AGTPBP1: variants seen among roughly 807,000 people sequenced by gnomAD.
AGTPBP1 encodes cytosolic carboxypeptidase 1.
Under a neutral mutation model 143.9 loss-of-function variants are expected in AGTPBP1, and 70 were observed. The observed-to-expected ratio is 0.49, with a 90% CI of 0.40 to 0.59. AGTPBP1 has a LOEUF of 0.59. Among genes scored for constraint, AGTPBP1 ranks in the 20% least tolerant of loss-of-function variants. AGTPBP1 has a pLI of 0.00. For missense variants in AGTPBP1, 1,229 were observed against 1,464.5 expected (o/e 0.84, Z 2.62); for synonymous variants, 463 against 500.2 (o/e 0.93, Z 0.99).
rs750341010 is a variant in AGTPBP1, at chr9:85,588,456, C to T, written c.2745G>A (p.Leu915=). 1 of 1,610,984 alleles carries T rather than the reference C, an allele frequency of 6.2e-7. No homozygotes were observed. The highest frequency in any genetic ancestry group is 8.5e-7 in the Non-Finnish European group (1 of 1,178,844). The change falls in exon 21 of 26, where the codon TTG becomes TTA. Residue 915 remains leucine (L), a synonymous_variant. Transcript: ENST00000357081. The part of the protein sequence containing the change: ...CHFRNRPYVF[L]SARVHPGETN... ...TTTCTCCAGGATGTACCCGAGCAGA[C>T]AAGAAAACGTAAGGGCGATTTCCTA...
intron 1 of AGTPBP1, among the ~76,000 whole-genome samples, chr9:85,734,656 A>G (rs1839118449): frequency 6.6e-6 from 1 of 152,236 alleles, no homozygotes; most frequent in African/African-American, 2.4e-5. Flanking sequence ...CACTATTGAT[A>G]GGAATATAAA....
At chr9:85,562,706 A>C (rs1228477115) in intron 25 of AGTPBP1, among the ~76,000 whole-genome samples, 1 of 152,192 alleles carries the variant, frequency 6.6e-6, no homozygotes, top group Non-Finnish European at 1.5e-5. Context: ...TAAGTCTCTT[A>C]CCTTTTTCTT....
At chr9:85,712,388 TATAAC>T (rs1027724065) in intron 2 of AGTPBP1, 109 bp downstream of exon 2, 6 of 488,682 alleles carry the variant, frequency 1.2e-5, no homozygotes, top group Admixed American at 4.3e-5. Flanking sequence ...ATTACATAAA[TATAAC>T]ATATTATACT....
the AGTPBP1 span, among the ~76,000 whole-genome samples, chr9:85,795,641 G>C: frequency 1.3e-5 from 2 of 152,128 alleles, no homozygotes; most frequent in Non-Finnish European, 2.9e-5. Context: ...TAAAAATATA[G>C]AGGGTACTGT....
At chr9:85,579,337 AAC>A (rs1334965277) in intron 23 of AGTPBP1, among the ~76,000 whole-genome samples, 1 of 152,208 alleles carries the variant, frequency 6.6e-6, no homozygotes, top group African/African-American at 2.4e-5. Flanking sequence ...TTCACGGTAT[AAC>A]CAATAAGCAA....
chr9:85,599,110 A>ACACACACAC (rs1829489991), intron 17 of AGTPBP1, among the ~76,000 whole-genome samples: 1 of 135,430 alleles, frequency 7.4e-6, no homozygotes, highest in Admixed American at 7.3e-5. Context: ...CTTGTCACTG[A>ACACACACAC]ACACACACAC....
intron 2 of AGTPBP1, among the ~76,000 whole-genome samples, chr9:85,709,385 C>T (rs1837221249): frequency 6.6e-6 from 1 of 152,146 alleles, no homozygotes; most frequent in African/African-American, 2.4e-5. Flanking sequence ...TAAAAGAATG[C>T]TTTTCTCCTA....
chr9:85,634,050 G>C (rs1212554758), intron 13 of AGTPBP1, among the ~76,000 whole-genome samples: 4 of 151,650 alleles, frequency 2.6e-5, no homozygotes, highest in Non-Finnish European at 5.9e-5. Context: ...AAATTAGCTG[G>C]GCATGGTGGT....
At chr9:85,727,963 G>A (rs890953340) in intron 1 of AGTPBP1, among the ~76,000 whole-genome samples, 1 of 151,442 alleles carries the variant, frequency 6.6e-6, no homozygotes, top group African/African-American at 2.4e-5. Context: ...AGGAGTTCAA[G>A]GTTGCAGTGA....
rs568333681 is a variant in AGTPBP1 at position 85,679,224 on chromosome 9, T to C, written c.226-826A>G. On this transcript the variant is annotated intron_variant, in intron 4 of 25. Coordinates refer to ENST00000357081, the MANE Select transcript of AGTPBP1 (RefSeq NM_001330701.2). The stretch of plus-strand genomic sequence containing the variant: ...CAGAAGAGTGACTATTTCTCCAAGT[T>C]TGGACAACTAATCTAATAAGTGAAA... 2.6e-5 allele frequency among the ~76,000 whole-genome samples: 4 copies of C among 152,320 alleles called. No homozygotes were observed. The East Asian group carries it at 5.8e-4, about 22-fold the overall frequency.
intron 17 of AGTPBP1, among the ~76,000 whole-genome samples, chr9:85,598,695 C>T (rs974254604): frequency 1.4e-4 from 22 of 152,166 alleles, no homozygotes; most frequent in African/African-American, 4.3e-4. Flanking sequence ...TTGACCCTGA[C>T]GTTTTAGTCT....
chr9:85,629,526 A>C (rs1459997564), intron 14 of AGTPBP1, among the ~76,000 whole-genome samples: 3 of 152,202 alleles, frequency 2.0e-5, no homozygotes, highest in Non-Finnish European at 4.4e-5. Context: ...CAAGCAAGCC[A>C]GGCAAGGACA....
the AGTPBP1 span, among the ~76,000 whole-genome samples, chr9:85,771,985 C>CTT: frequency 3.0e-5 from 4 of 132,322 alleles, no homozygotes; most frequent in Non-Finnish European, 1.6e-5. Context: ...TTATGCTGTT[C>CTT]TTTTTTTTTT....
In AGTPBP1 at chr9:85,588,352, G is replaced by A. The variant is rs1167509714; in HGVS notation, c.2849C>T (p.Ser950Phe). ...NNPTAQSLRE[S>F]YIFKIVPMLN... is the part of the protein sequence containing the mutation. ...CATAGGGACAATTTTAAAAATATAAGATTCTCGTAAGCTCTGAGCAGTGGG... is the reference window on the plus strand; with the variant it reads ...CATAGGGACAATTTTAAAAATATAAAATTCTCGTAAGCTCTGAGCAGTGGG... The change falls in exon 21 of 26, where the codon TCT becomes TTT. Residue 950 changes from serine to phenylalanine, a missense_variant. Coordinates refer to ENST00000357081, the MANE Select transcript of AGTPBP1 (RefSeq NM_001330701.2). 1.9e-6 allele frequency: 3 copies of A among 1,610,580 alleles called. No homozygotes were observed. In the Admixed American group the frequency reaches 5.1e-5, roughly 27 times the overall value.
intron 25 of AGTPBP1, among the ~76,000 whole-genome samples, chr9:85,574,670 A>G (rs1004787711): frequency 6.6e-6 from 1 of 151,970 alleles, no homozygotes; most frequent in Non-Finnish European, 1.5e-5. Context: ...TGATGTGTGT[A>G]GACATCAACA....
rs558219191 is a variant in AGTPBP1, at chr9:85,673,668, G to C, written c.437-987C>G. On this transcript the variant is annotated intron_variant, in intron 6 of 25. Coordinates refer to ENST00000357081, the MANE Select transcript of AGTPBP1 (RefSeq NM_001330701.2). ...GGAGATACAAAAAGTGGCAGGGTGG[G>C]TGAGGGGTGAAGGTTGAAAAATTAC... 2.6e-5 allele frequency among the ~76,000 whole-genome samples: 4 copies of C among 152,224 alleles called. No individual in the cohort carries two copies. In the South Asian group the frequency reaches 8.3e-4, roughly 32 times the overall value.
intron 2 of AGTPBP1, among the ~76,000 whole-genome samples, chr9:85,706,190 G>A (rs572958120): frequency 6.6e-5 from 10 of 151,754 alleles, no homozygotes; most frequent in African/African-American, 2.4e-4. Context: ...AAGAAAAGGA[G>A]GAAGAAGAGA....
At chr9:85,697,445 G>GTTTTTTTTTTTTTTT (rs758082233) in intron 2 of AGTPBP1, among the ~76,000 whole-genome samples, 5 of 65,072 alleles carry the variant, frequency 7.7e-5, no homozygotes, top group Non-Finnish European at 8.0e-5. Context: ...TTTGTTTTTT[G>GTTTTTTTTTTTTTTT]TTTTTTTTTT....
intron 17 of AGTPBP1, among the ~76,000 whole-genome samples, chr9:85,599,273 T>C (rs975598661): frequency 1.3e-5 from 2 of 152,128 alleles, no homozygotes; most frequent in East Asian, 3.9e-4. Context: ...CTCTGACCTT[T>C]TGAGGGTACT....
Sources: allele counts gnomAD v4.1 joint callset (sites outside exome capture counted in the v4.1 genomes callset), GRCh38; gene constraint gnomAD v4.1.1; transcripts MANE v1.5; gene names NCBI Gene and HGNC (gene_info 2026-07-23, HGNC 2026-07-21).